Variants in PDZD8 observed in about 807,000 individuals in gnomAD.
PDZD8 encodes the protein PDZ domain containing 8, also known as PDZ domain-containing protein 8.
Under a neutral mutation model 85.8 loss-of-function variants are expected in PDZD8, and 14 were observed. The ratio of observed to expected loss-of-function variants is 0.16; its 90% CI spans 0.11 to 0.26. The LOEUF (loss-of-function observed/expected upper bound fraction) is 0.26, where lower values mean the gene tolerates loss of function less well. Ranked by LOEUF, PDZD8 falls within the 10% of genes least tolerant of loss-of-function variation. The pLI, the probability that PDZD8 is intolerant of heterozygous loss-of-function variation, is 1.00. For synonymous variants in PDZD8, 592 were observed against 568.6 expected, an observed-to-expected ratio of 1.04 and a Z score of -0.59; for missense variants, 1,197 against 1,424.3, an observed-to-expected ratio of 0.84 and a Z score of 2.57.
intron 3 of PDZD8, among the ~76,000 whole-genome samples, chr10:117,311,058 A>C (rs192898500): frequency 3.9e-5 from 6 of 152,310 alleles, no homozygotes; most frequent in Admixed American, 2.6e-4. Context: ...AAACTCTCCA[A>C]AACTGAAAGG....
chr10:117,341,545 A>T (rs917194872), intron 1 of PDZD8, among the ~76,000 whole-genome samples: 1 of 152,158 alleles, frequency 6.6e-6, no homozygotes, highest in Non-Finnish European at 1.5e-5. Flanking sequence ...CAGGATGCTC[A>T]AGTCTCTAAT....
intron 2 of PDZD8, among the ~76,000 whole-genome samples, chr10:117,335,645 A>G (rs188348265): frequency 6.6e-6 from 1 of 152,200 alleles, no homozygotes; most frequent in African/African-American, 2.4e-5. Context: ...ATCTGAAAGC[A>G]ATCTGAAACA....
At chr10:117,316,132 A>G (rs1844125067) in intron 3 of PDZD8, among the ~76,000 whole-genome samples, 1 of 152,198 alleles carries the variant, frequency 6.6e-6, no homozygotes, top group Admixed American at 6.5e-5. Context: ...CTTGGCTTAT[A>G]GGATTCTCAT....
At chr10:117,345,060 GTC>G (rs1844681446) in intron 1 of PDZD8, among the ~76,000 whole-genome samples, 1 of 152,198 alleles carries the variant, frequency 6.6e-6, no homozygotes, top group Admixed American at 6.5e-5. Context: ...GCCTGCAGTA[GTC>G]TTCACCCCTA....
chr10:117,336,970 T>C (rs1844526368), intron 2 of PDZD8, among the ~76,000 whole-genome samples: 1 of 151,954 alleles, frequency 6.6e-6, no homozygotes, highest in African/African-American at 2.4e-5. Flanking sequence ...GCGCCTGTAG[T>C]CCCAGCTACT....
intron 3 of PDZD8, among the ~76,000 whole-genome samples, chr10:117,295,655 G>T (rs1843743989): frequency 6.6e-6 from 1 of 152,028 alleles, no homozygotes; most frequent in Non-Finnish European, 1.5e-5. Flanking sequence ...CAAAATTTTA[G>T]GAAATTCAAC....
At chr10:117,302,277 T>A (rs1017950055) in intron 3 of PDZD8, among the ~76,000 whole-genome samples, 2 of 152,192 alleles carry the variant, frequency 1.3e-5, no homozygotes, top group Non-Finnish European at 2.9e-5. Flanking sequence ...ATCACTTTAA[T>A]AGAAAAACAA....
intron 3 of PDZD8, among the ~76,000 whole-genome samples, chr10:117,296,042 T>C (rs1843752093): frequency 6.6e-6 from 1 of 151,474 alleles, no homozygotes; most frequent in Admixed American, 6.6e-5. Context: ...TCTGTCTTTA[T>C]TTGCAGATAC....
intron 1 of PDZD8, among the ~76,000 whole-genome samples, chr10:117,350,454 C>A (rs181328707): frequency 6.6e-6 from 1 of 150,560 alleles, no homozygotes. Flanking sequence ...TTAGTAGAGA[C>A]GAGGTTTCAC....
rs143206364 is a variant in PDZD8, at chr10:117,332,843, C to T, written c.995+8137G>A. 3.7e-4 allele frequency among the ~76,000 whole-genome samples: 55 copies of T among 147,762 alleles called. 1 individual carries two copies. The East Asian group carries it at 9.4e-3, about 25-fold the overall frequency. On this transcript the variant is annotated intron_variant, in intron 2 of 4. Coordinates refer to ENST00000334464, the MANE Select transcript of PDZD8 (RefSeq NM_173791.5). ...TTTTTAAAAAAGGATATGGGCCAGGCGTGGTGGCTCATGCCTGTAATCCCA... is the reference window on the plus strand; with the variant it reads ...TTTTTAAAAAAGGATATGGGCCAGGTGTGGTGGCTCATGCCTGTAATCCCA...
chr10:117,311,617 ATAGT>A (rs1478418104), intron 3 of PDZD8, among the ~76,000 whole-genome samples: 1 of 152,152 alleles, frequency 6.6e-6, no homozygotes, highest in Non-Finnish European at 1.5e-5. Context: ...GAGTTTCATG[ATAGT>A]TAGGAAAGGT....
At chr10:117,322,881 T>C (rs1326638729) in intron 2 of PDZD8, among the ~76,000 whole-genome samples, 1 of 152,184 alleles carries the variant, frequency 6.6e-6, no homozygotes, top group Non-Finnish European at 1.5e-5. Context: ...TGCAATGAAG[T>C]ATACTGTAGA....
At chr10:117,326,318 G>A (rs958895693) in intron 2 of PDZD8, among the ~76,000 whole-genome samples, 6 of 152,180 alleles carry the variant, frequency 3.9e-5, no homozygotes, top group African/African-American at 1.4e-4. Context: ...CATGCCTAAT[G>A]TGTGGGCCAC....
intron 2 of PDZD8, among the ~76,000 whole-genome samples, chr10:117,333,116 T>TAAAAAAA (rs1564702920): frequency 6.0e-5 from 1 of 16,804 alleles, no homozygotes; most frequent in Non-Finnish European, 1.0e-4. Flanking sequence ...GGACTCTGTC[T>TAAAAAAA]CAAAAAAAAA....
chr10:117,365,784 T>C (rs1168561417), intron 1 of PDZD8, among the ~76,000 whole-genome samples: 2 of 152,184 alleles, frequency 1.3e-5, no homozygotes, highest in African/African-American at 4.8e-5. Flanking sequence ...CAATTAAGTG[T>C]GATGTGCTCT....
At chr10:117,310,345 T>C (rs2532840) in intron 3 of PDZD8, among the ~76,000 whole-genome samples, 116,646 of 151,826 alleles carry the variant, frequency 0.77, 45,461 homozygotes, top group Non-Finnish European at 0.85. Flanking sequence ...TTGCTCTGAT[T>C]TCCCTACTAC....
chr10:117,365,795 G>A (rs1195515222), intron 1 of PDZD8, among the ~76,000 whole-genome samples: 1 of 152,144 alleles, frequency 6.6e-6, no homozygotes, highest in African/African-American at 2.4e-5. Flanking sequence ...GATGTGCTCT[G>A]ATGCCATGCC....
chr10:117,347,691 TAAAAATTACAG>T (rs1354909549), intron 1 of PDZD8, among the ~76,000 whole-genome samples: 1 of 152,070 alleles, frequency 6.6e-6, no homozygotes, highest in African/African-American at 2.4e-5. Context: ...AAGTGAAATT[TAAAAATTACAG>T]AGGAACTCAT....
intron 3 of PDZD8, among the ~76,000 whole-genome samples, chr10:117,291,811 A>G (rs1844771736): frequency 6.6e-6 from 1 of 151,944 alleles, no homozygotes; most frequent in African/African-American, 2.4e-5. Flanking sequence ...TCTGTGAATT[A>G]ACAACAACAT....
Sources: allele counts gnomAD v4.1 joint callset (sites outside exome capture counted in the v4.1 genomes callset), GRCh38; gene constraint gnomAD v4.1.1; transcripts MANE v1.5; gene names NCBI Gene and HGNC (gene_info 2026-07-23, HGNC 2026-07-21).